SHPK: variants seen among roughly 807,000 people sequenced by gnomAD.
The protein encoded by SHPK is carbohydrate kinase-like protein.
Under a neutral mutation model 46.3 loss-of-function variants are expected in SHPK, and 51 were observed. The observed-to-expected ratio is 1.10, with a 90% CI of 0.88 to 1.39. SHPK has a LOEUF of 1.39. Among genes scored for constraint, SHPK ranks in the 40% most tolerant of loss-of-function variants. SHPK has a pLI of 0.00. For missense variants in SHPK, 668 were observed against 641.3 expected, an observed-to-expected ratio of 1.04 and a Z score of -0.45; for synonymous variants, 290 against 273.9, an observed-to-expected ratio of 1.06 and a Z score of -0.58.
intron 6 of SHPK, among the ~76,000 whole-genome samples, chr17:3,612,448 T>G (rs1389424715): frequency 9.3e-5 from 14 of 151,042 alleles, no homozygotes; most frequent in Admixed American, 8.6e-4. Context: ...AAAAAGCCTT[T>G]GGTTTCGATA....
At chr17:3,612,956 T>C (rs532153263) in intron 6 of SHPK, among the ~76,000 whole-genome samples, 4 of 152,146 alleles carry the variant, frequency 2.6e-5, no homozygotes, top group Non-Finnish European at 5.9e-5. Flanking sequence ...TTCACCATAT[T>C]GGCCAGGCTG....
chr17:3,636,206 G>T lies in SHPK; in HGVS notation c.14C>A (p.Pro5Gln), dbSNP rs138595855. 1 of 1,604,052 alleles carries T rather than the reference G, an allele frequency of 6.2e-7. No homozygotes were observed. Among genetic ancestry groups the T allele is most frequent in the Non-Finnish European group, 8.5e-7 (1 of 1,173,576 alleles). The change falls in exon 1 of 7, where the codon CCG becomes CAG. Residue 5 changes from proline to glutamine, a missense_variant. Physicochemically the swap from Pro to Gln is moderately conservative, Grantham distance 76. Coordinates refer to ENST00000225519, the MANE Select transcript of SHPK (RefSeq NM_013276.4). ...GCCCAGGTCAATGCCGAGGGTGATCGGCCGCGCAGCCATTATCTCCCTGAC... is the reference window on the plus strand; with the variant it reads ...GCCCAGGTCAATGCCGAGGGTGATCTGCCGCGCAGCCATTATCTCCCTGAC... MAARPITLGIDLGTT... is the reference protein window; with the variant it reads MAARQITLGIDLGTT...
intron 2 of SHPK, among the ~76,000 whole-genome samples, chr17:3,626,563 G>GA (rs905178410): frequency 1.0e-4 from 15 of 150,094 alleles, no homozygotes; most frequent in African/African-American, 2.2e-4. Context: ...TAAAAATACC[G>GA]AAAAAAAAAT....
chr17:3,632,243 C>G (rs1469493920), intron 1 of SHPK, among the ~76,000 whole-genome samples: 1 of 152,230 alleles, frequency 6.6e-6, no homozygotes. Context: ...GCGTGAGCCA[C>G]CGCGCCTGGC....
At chr17:3,623,776 C>A (rs1413018459) in intron 3 of SHPK, among the ~76,000 whole-genome samples, 2 of 152,220 alleles carry the variant, frequency 1.3e-5, no homozygotes, top group Non-Finnish European at 2.9e-5. Context: ...CCTGAACACA[C>A]TGCGAACTCT....
intron 2 of SHPK, 81 bp from the exon 3 acceptor site, chr17:3,624,312 G>A (rs1293426771): frequency 7.7e-7 from 1 of 1,303,852 alleles, no homozygotes; most frequent in Admixed American, 2.2e-5. Context: ...CTCTGCTGGT[G>A]AGTGACAAAA....
intron 5 of SHPK, among the ~76,000 whole-genome samples, chr17:3,618,341 A>G (rs1190545777): frequency 4.6e-5 from 7 of 151,816 alleles, no homozygotes; most frequent in Non-Finnish European, 7.4e-5. Flanking sequence ...TCCTGACCTC[A>G]TGATCCACCC....
chr17:3,627,792 T>A (rs1261448517), intron 2 of SHPK, among the ~76,000 whole-genome samples: 3 of 151,586 alleles, frequency 2.0e-5, no homozygotes, highest in Non-Finnish European at 4.4e-5. Flanking sequence ...TCTGCTGTCC[T>A]CTTTGGGAAG....
rs371771117 is a variant in SHPK, at chr17:3,615,427, T to C, written c.934A>G (p.Arg312Gly). Residue 312 changes from arginine to glycine, a missense_variant, in exon 6 of 7, where the codon AGG becomes GGG. Arg to Gly is a moderately radical substitution (Grantham distance 125). Transcript: ENST00000225519. ...GACGCGGCCACCCCCAGGTAGGTCC[T>C]GTTGAAGTATGGGAAGTAGGCGACT... ...APVAYFPYFN[R>G]TYLGVAASLN... The C allele has an allele frequency of 1.2e-6, 2 of 1,614,030 alleles. No homozygotes were observed. Among genetic ancestry groups the C allele is most frequent in the African/African-American group, 2.7e-5 (2 of 74,910 alleles).
rs376211262 is a variant in SHPK at position 3,609,538 on chromosome 17, C to A, written c.*1022G>T. 1 of 152,168 alleles carries A rather than the reference C, an allele frequency of 6.6e-6. No homozygotes were observed. Among genetic ancestry groups the A allele is most frequent in the East Asian group, 1.9e-4 (1 of 5,178 alleles). The allele number at this position is 152,168 out of a possible 1,614,324, so 9.4% of individuals were successfully genotyped here. On this transcript the variant is annotated 3_prime_UTR_variant, in exon 7 of 7. Transcript: ENST00000225519. ...TCTGGGATCCCTACAGGGATGCCAACTCAAATGGATGTTTCTGCTGAGCCA... is the reference window on the plus strand; with the variant it reads ...TCTGGGATCCCTACAGGGATGCCAAATCAAATGGATGTTTCTGCTGAGCCA...
intron 5 of SHPK, chr17:3,619,855 C>A (rs2075389850): frequency 3.1e-6 from 1 of 327,598 alleles, no homozygotes. Flanking sequence ...TGCTGTCTAC[C>A]TGTGAGCACC....
At chr17:3,624,624 T>C (rs1359363495) in intron 2 of SHPK, among the ~76,000 whole-genome samples, 1 of 152,166 alleles carries the variant, frequency 6.6e-6, no homozygotes, top group Non-Finnish European at 1.5e-5. Context: ...TTTTCCTTAG[T>C]TCTTAGCTGA....
At chr17:3,612,423 C>CT (rs1211985065) in intron 6 of SHPK, among the ~76,000 whole-genome samples, 1 of 115,698 alleles carries the variant, frequency 8.6e-6, no homozygotes. Context: ...GAGACTCAGT[C>CT]TTAAAAAAAA....
chr17:3,630,390 C>G (rs752307668), intron 1 of SHPK, 44 bp from the exon 2 acceptor site: 2 of 1,565,060 alleles, frequency 1.3e-6, no homozygotes, highest in East Asian at 2.3e-5. Flanking sequence ...GACACACAGG[C>G]AGGGGGAGGG....
intron 1 of SHPK, among the ~76,000 whole-genome samples, chr17:3,634,349 C>G (rs1042631799): frequency 6.6e-5 from 10 of 151,708 alleles, no homozygotes; most frequent in African/African-American, 2.4e-4. Context: ...GCAGGCAGAT[C>G]AGTTGAGGTC....
At chr17:3,615,882 T>G (rs1396064181) in intron 5 of SHPK, among the ~76,000 whole-genome samples, 10 of 140,204 alleles carry the variant, frequency 7.1e-5, no homozygotes, top group Admixed American at 1.5e-4. Context: ...TGAGACAGAG[T>G]CTCGCTCTGT....
chr17:3,616,127 C>T (rs538779076), intron 5 of SHPK, among the ~76,000 whole-genome samples: 20 of 152,230 alleles, frequency 1.3e-4, no homozygotes, highest in Admixed American at 4.6e-4. Context: ...GTTCGGATTA[C>T]AGGTGTGAGC....
intron 2 of SHPK, among the ~76,000 whole-genome samples, 191 bp from the exon 3 acceptor site, chr17:3,624,422 G>A (rs2075420988): frequency 6.6e-6 from 1 of 151,998 alleles, no homozygotes; most frequent in African/African-American, 2.4e-5. Context: ...GTGGGACCCT[G>A]GGCACGTCAC....
intron 5 of SHPK, chr17:3,619,894 C>T (rs912624327): frequency 2.8e-5 from 7 of 247,480 alleles, no homozygotes; most frequent in Admixed American, 8.5e-5. Flanking sequence ...CCCTGGGCTC[C>T]GGCCTCCCAG....
Sources: gnomAD v4.1 joint callset for allele counts (sites outside exome capture counted in the v4.1 genomes callset) on GRCh38, gnomAD v4.1.1 for gene constraint, MANE v1.5 for transcripts, NCBI Gene and HGNC (gene_info 2026-07-23, HGNC 2026-07-21) for gene names.